BORCS5: variants seen among roughly 807,000 people sequenced by gnomAD.
BORCS5 encodes the protein BLOC-1-related complex subunit 5.
A neutral mutation model predicts 22.1 loss-of-function variants in BORCS5; 17 were observed. The ratio of observed to expected loss-of-function variants is 0.77; its 90% confidence interval spans 0.53 to 1.15. BORCS5 has a LOEUF of 1.15. Among genes scored for constraint, BORCS5 ranks in the 50% most tolerant of loss-of-function variants. The pLI, the probability that BORCS5 is intolerant of heterozygous loss-of-function variation, is 0.00. For missense variants in BORCS5, 247 were observed against 253.2 expected (o/e 0.98, Z 0.17); for synonymous variants, 117 against 99.8 (o/e 1.17, Z -1.03).
chr12:12,399,616 T>C (rs1209954141), intron 2 of BORCS5, among the ~76,000 whole-genome samples: 2 of 152,240 alleles, frequency 1.3e-5, no homozygotes, highest in Admixed American at 1.3e-4. Flanking sequence ...GGGACAATTC[T>C]GAGTACCACA....
Position 12,467,610 on chromosome 12 carries a change from C to T in BORCS5, c.*1834C>T, listed in dbSNP as rs927257116. ...GAAGCGGAGAAGTATGGCAGAAGAA[C>T]AATAGGCAAATTCAATACTCCCGGA... On this transcript the variant is annotated 3_prime_UTR_variant, in exon 4 of 4. Transcript: ENST00000314565. 3.9e-5 allele frequency: 6 copies of T among 152,182 alleles called. No individual in the cohort carries two copies. Among genetic ancestry groups the T allele is most frequent in the African/African-American group, 1.4e-4 (6 of 41,450 alleles). 9.4% of individuals were successfully genotyped at this position (152,182 alleles called of 1,614,324 possible). A position where few individuals can be genotyped will look rare whatever the true frequency, so the allele number is the denominator to read the frequency against.
At chr12:12,456,198 C>A (rs1272175069) in intron 3 of BORCS5, among the ~76,000 whole-genome samples, 1 of 152,176 alleles carries the variant, frequency 6.6e-6, no homozygotes, top group Non-Finnish European at 1.5e-5. Context: ...CTTTGGGAGG[C>A]TGAGCGGGTG....
At chr12:12,449,825 T>G (rs1159252966) in intron 3 of BORCS5, among the ~76,000 whole-genome samples, 1 of 152,140 alleles carries the variant, frequency 6.6e-6, no homozygotes, top group South Asian at 2.1e-4. Context: ...GGTACACTAA[T>G]AAGGAGCCGG....
chr12:12,427,281 C>T (rs574009122), intron 2 of BORCS5, among the ~76,000 whole-genome samples: 4 of 144,296 alleles, frequency 2.8e-5, no homozygotes, highest in South Asian at 4.3e-4. Flanking sequence ...TCCAGGTTCA[C>T]GCCTTTCTTC....
At chr12:12,454,349 T>A (rs1380501846) in intron 3 of BORCS5, among the ~76,000 whole-genome samples, 1 of 152,250 alleles carries the variant, frequency 6.6e-6, no homozygotes, top group African/African-American at 2.4e-5. Context: ...TTTGTCATTG[T>A]CTGCCTTTTA....
At chr12:12,451,136 G>T (rs1013868576) in intron 3 of BORCS5, among the ~76,000 whole-genome samples, 3 of 151,592 alleles carry the variant, frequency 2.0e-5, no homozygotes, top group Non-Finnish European at 2.9e-5. Flanking sequence ...TCAAAGGTAC[G>T]CCTATGAGAA....
At chr12:12,452,182 C>T in intron 3 of BORCS5, 1 of 588,228 alleles carries the variant, frequency 1.7e-6, no homozygotes, top group South Asian at 1.4e-5. Flanking sequence ...GGAAGATTCA[C>T]ATTTTTTACA....
intron 2 of BORCS5, among the ~76,000 whole-genome samples, chr12:12,428,464 T>C (rs1270179958): frequency 6.6e-6 from 1 of 152,232 alleles, no homozygotes; most frequent in Non-Finnish European, 1.5e-5. Flanking sequence ...TCTTAGGAAA[T>C]ATCTCCAGTA....
chr12:12,392,699 A>C (rs1207687510), intron 2 of BORCS5, among the ~76,000 whole-genome samples: 1 of 152,138 alleles, frequency 6.6e-6, no homozygotes, highest in Non-Finnish European at 1.5e-5. Flanking sequence ...TGTGTGACGT[A>C]TTGCAATTGC....
chr12:12,357,225 C>T lies in BORCS5; in HGVS notation c.-227C>T. ...AGAAGGAGGGCTAGCCGCGTGCGTTCGCGCCGCGCCTCCTTGCGTTTCTGT... is the reference window on the plus strand; with the variant it reads ...AGAAGGAGGGCTAGCCGCGTGCGTTTGCGCCGCGCCTCCTTGCGTTTCTGT... On this transcript the variant is annotated 5_prime_UTR_variant, in exon 1 of 4. Transcript: ENST00000314565. The T allele has an allele frequency of 3.4e-6, 5 of 1,475,116 alleles. No individual in the cohort carries two copies. The highest frequency in any genetic ancestry group is 4.5e-6 in the Non-Finnish European group (5 of 1,115,926). 91.4% of individuals were successfully genotyped at this position (1,475,116 alleles called of 1,614,324 possible). A position where few individuals can be genotyped will look rare whatever the true frequency, so the allele number is the denominator to read the frequency against.
chr12:12,369,167 T>A lies in BORCS5; in HGVS notation c.202+7818T>A, dbSNP rs547727892. Among the ~76,000 whole-genome samples, 48 of 152,330 alleles carry A rather than the reference T, an allele frequency of 3.2e-4. 1 individual carries two copies. In the South Asian group the frequency reaches 9.1e-3, roughly 29 times the overall value. On this transcript the variant is annotated intron_variant, in intron 2 of 3. Coordinates refer to ENST00000314565, the MANE Select transcript of BORCS5 (RefSeq NM_058169.6). The stretch of plus-strand genomic sequence containing the variant: ...ATTATTATATTGATCCTTCCGTCTT[T>A]ATGAAAATGTGCTACCTATGTGTTA...
intron 2 of BORCS5, among the ~76,000 whole-genome samples, chr12:12,418,558 A>G (rs1942032857): frequency 1.3e-5 from 2 of 152,102 alleles, no homozygotes; most frequent in African/African-American, 2.4e-5. Flanking sequence ...GTGATAGCGC[A>G]TGTCTGTAGT....
chr12:12,419,967 T>G (rs192198471), intron 2 of BORCS5, among the ~76,000 whole-genome samples: 299 of 152,318 alleles, frequency 2.0e-3, no homozygotes, highest in Non-Finnish European at 3.3e-3. Flanking sequence ...ATGGATAGAT[T>G]GCAAAAATTT....
chr12:12,377,121 C>T (rs1379515276), intron 2 of BORCS5, among the ~76,000 whole-genome samples: 1 of 151,498 alleles, frequency 6.6e-6, no homozygotes, highest in Non-Finnish European at 1.5e-5. Context: ...TATCTCTGTA[C>T]TCAGAGAAGC....
intron 2 of BORCS5, among the ~76,000 whole-genome samples, chr12:12,374,819 G>T (rs1180461680): frequency 4.0e-5 from 6 of 151,576 alleles, no homozygotes; most frequent in Non-Finnish European, 5.9e-5. Context: ...TTAACCGGGC[G>T]TGGTGGCGCA....
chr12:12,373,981 CTTTTTTTTTTTT>C (rs926893487), intron 2 of BORCS5, among the ~76,000 whole-genome samples: 16 of 89,792 alleles, frequency 1.8e-4, no homozygotes, highest in Non-Finnish European at 2.7e-4. Flanking sequence ...AGAGAGTATT[CTTTTTTTTTTTT>C]TTTTTTTTTT....
intron 2 of BORCS5, among the ~76,000 whole-genome samples, chr12:12,389,907 G>T (rs1381775722): frequency 1.3e-5 from 2 of 152,108 alleles, no homozygotes; most frequent in African/African-American, 4.8e-5. Flanking sequence ...GCCTCCCAAA[G>T]GGCTGGGATT....
intron 1 of BORCS5, among the ~76,000 whole-genome samples, 161 bp from the exon 2 acceptor site, chr12:12,361,045 A>G (rs1863272663): frequency 6.6e-6 from 1 of 152,326 alleles, no homozygotes; most frequent in African/African-American, 2.4e-5. Flanking sequence ...TAAAAATACT[A>G]TAGAAAACAG....
rs1199149473 is a variant in BORCS5 at position 12,462,424 on chromosome 12, A to G, written c.361-3122A>G. Among the ~76,000 whole-genome samples, 3 of 152,218 alleles carry G rather than the reference A, an allele frequency of 2.0e-5. No homozygotes were observed. In the East Asian group the frequency reaches 5.8e-4, roughly 29 times the overall value. ...ACCAAATCCTTGCTCTCATGGAATC[A>G]GCCTTCTGGGTAATTTTCTAAAATC... On this transcript the variant is annotated intron_variant, in intron 3 of 3. Coordinates refer to ENST00000314565, the MANE Select transcript of BORCS5 (RefSeq NM_058169.6).
Sources: gnomAD v4.1 joint callset for allele counts (sites outside exome capture counted in the v4.1 genomes callset) on GRCh38, gnomAD v4.1.1 for gene constraint, MANE v1.5 for transcripts, NCBI Gene and HGNC (gene_info 2026-07-23, HGNC 2026-07-21) for gene names.